Variants in KCNMA1 observed in about 807,000 individuals in gnomAD.
KCNMA1 encodes potassium calcium-activated channel subfamily M alpha 1, also known as Calcium-activated potassium channel subunit alpha-1.
In KCNMA1, 29 loss-of-function variants were observed where a neutral mutation model predicts 140.0. The ratio of observed to expected loss-of-function variants is 0.21; its 90% CI spans 0.15 to 0.28. The LOEUF (loss-of-function observed/expected upper bound fraction) is 0.28, where lower values mean the gene tolerates loss of function less well. Among genes scored for constraint, KCNMA1 ranks in the 10% least tolerant of loss-of-function variants. The probability of loss-of-function intolerance (pLI) is 1.00; values close to 1 mark genes in which losing one functional copy is unlikely to be tolerated. For missense variants in KCNMA1, 880 were observed against 1,602.2 expected (o/e 0.55, Z 7.70); for synonymous variants, 612 against 611.9 (o/e 1.00, Z 0.00).
intron 2 of KCNMA1, among the ~76,000 whole-genome samples, chr10:77,349,722 A>T (rs183044114): frequency 6.6e-6 from 1 of 152,358 alleles, no homozygotes; most frequent in East Asian, 1.9e-4. Context: ...GGTTAGAATA[A>T]GAGCAATGGA....
intron 1 of KCNMA1, among the ~76,000 whole-genome samples, chr10:77,542,448 G>A (rs562976329): frequency 6.6e-6 from 1 of 152,310 alleles, no homozygotes; most frequent in South Asian, 2.1e-4. Flanking sequence ...AGAATCTTAG[G>A]GGAAACTTAA....
chr10:77,174,398 A>G (rs986158617), intron 5 of KCNMA1, among the ~76,000 whole-genome samples: 12 of 152,224 alleles, frequency 7.9e-5, no homozygotes, highest in Admixed American at 7.2e-4. Flanking sequence ...GTAAAAAGCC[A>G]TGGTGTGTGC....
rs2093319801 is a variant in KCNMA1 at position 77,025,254 on chromosome 10, A to AC, written c.1928+2568_1928+2569insG. Among the ~76,000 whole-genome samples the AC allele has an allele frequency of 3.4e-5, 3 of 86,990 alleles. No homozygotes were observed. The South Asian group carries it at 1.3e-3, about 37-fold the overall frequency. The allele number at this position is 86,990 out of a possible 152,430, so 57.1% of individuals were successfully genotyped here. The stretch of plus-strand genomic sequence containing the variant: ...GAGGGGTGTGTGTGTATATATATAT[A>AC]TATATATATATATATATATATATAT... On this transcript the variant is annotated intron_variant, in intron 16 of 27. Transcript: ENST00000286628.
At chr10:76,910,501 A>G (rs1311025510) in intron 24 of KCNMA1, 5 of 297,582 alleles carry the variant, frequency 1.7e-5, no homozygotes, top group South Asian at 3.4e-5. Context: ...TTTAGCCACA[A>G]TGAAAAGAAA....
At chr10:77,483,958 A>G (rs2098433377) in intron 1 of KCNMA1, among the ~76,000 whole-genome samples, 1 of 152,190 alleles carries the variant, frequency 6.6e-6, no homozygotes, top group African/African-American at 2.4e-5. Flanking sequence ...AGGAATCAAC[A>G]TGGAACCACA....
intron 2 of KCNMA1, among the ~76,000 whole-genome samples, chr10:77,357,655 C>T (rs962550751): frequency 2.6e-5 from 4 of 152,152 alleles, no homozygotes; most frequent in African/African-American, 7.2e-5. Context: ...TCCCATGAGA[C>T]GCAATAATTT....
intron 3 of KCNMA1, among the ~76,000 whole-genome samples, chr10:77,239,201 C>T (rs10824501): frequency 0.063 from 9,623 of 152,258 alleles, 750 homozygotes; most frequent in East Asian, 0.21. Flanking sequence ...CTCCTTAATG[C>T]ACTCCTGTGC....
At chr10:77,391,612 T>TTTTGTTTG (rs139101372) in intron 2 of KCNMA1, among the ~76,000 whole-genome samples, 53 of 149,870 alleles carry the variant, frequency 3.5e-4, no homozygotes, top group Admixed American at 8.0e-4. Context: ...GAAGTAGGTT[T>TTTTGTTTG]TTTGTTTGTT....
At chr10:77,101,275 G>A (rs531187479) in intron 9 of KCNMA1, among the ~76,000 whole-genome samples, 196 of 152,202 alleles carry the variant, frequency 1.3e-3, no homozygotes, top group Non-Finnish European at 2.5e-3. Context: ...TCAGCACCAC[G>A]TTTCAGAAGT....
At chr10:76,984,642 G>T (rs1475847576) in intron 19 of KCNMA1, among the ~76,000 whole-genome samples, 1 of 152,196 alleles carries the variant, frequency 6.6e-6, no homozygotes, top group Non-Finnish European at 1.5e-5. Flanking sequence ...TGTGTAAATA[G>T]ATATTAGATT....
chr10:76,883,993 C>G (rs546726099), downstream of KCNMA1: 4 of 983,628 alleles, frequency 4.1e-6, no homozygotes, highest in South Asian at 4.7e-5. Flanking sequence ...TTATCTACCA[C>G]TGGGGCATGA....
chr10:77,419,693 T>C (rs1200814055), intron 1 of KCNMA1, among the ~76,000 whole-genome samples: 1 of 152,220 alleles, frequency 6.6e-6, no homozygotes, highest in Non-Finnish European at 1.5e-5. Context: ...TACTATTTTT[T>C]TAAAGTCTTT....
chr10:77,458,841 G>A (rs2097802185), intron 1 of KCNMA1, among the ~76,000 whole-genome samples: 1 of 152,200 alleles, frequency 6.6e-6, no homozygotes. Flanking sequence ...TACTTGAATT[G>A]AAAAACTTAG....
At chr10:77,329,086 T>C (rs1302283718) in intron 2 of KCNMA1, among the ~76,000 whole-genome samples, 1 of 152,108 alleles carries the variant, frequency 6.6e-6, no homozygotes, top group Non-Finnish European at 1.5e-5. Flanking sequence ...GTGATCCCCC[T>C]GCCTCGGCCT....
chr10:77,047,575 G>T (rs1411280942), intron 14 of KCNMA1, among the ~76,000 whole-genome samples: 2 of 146,284 alleles, frequency 1.4e-5, no homozygotes, highest in Non-Finnish European at 3.0e-5. Flanking sequence ...TACATATGTG[G>T]CAGGAAACTG....
At chr10:77,378,774 T>C (rs1214175698) in intron 2 of KCNMA1, among the ~76,000 whole-genome samples, 1 of 152,230 alleles carries the variant, frequency 6.6e-6, no homozygotes, top group Non-Finnish European at 1.5e-5. Flanking sequence ...ACATAAAGCA[T>C]GGTGCAATCT....
chr10:77,297,409 G>T (rs938426372), intron 2 of KCNMA1, among the ~76,000 whole-genome samples: 6 of 152,136 alleles, frequency 3.9e-5, no homozygotes, highest in Non-Finnish European at 5.9e-5. Context: ...AAATTTTACG[G>T]CTATTTTCTT....
chr10:77,226,299 G>C (rs2051373831), intron 3 of KCNMA1, among the ~76,000 whole-genome samples: 1 of 152,036 alleles, frequency 6.6e-6, no homozygotes, highest in Non-Finnish European at 1.5e-5. Context: ...AGAACTAAGA[G>C]ATGTATACAT....
intron 2 of KCNMA1, among the ~76,000 whole-genome samples, chr10:77,260,344 A>G (rs1460674853): frequency 6.6e-6 from 1 of 152,186 alleles, no homozygotes; most frequent in East Asian, 1.9e-4. Flanking sequence ...GTCGGATGGC[A>G]GGAGCCTGGA....
Sources: gnomAD v4.1 joint callset for allele counts (sites outside exome capture counted in the v4.1 genomes callset) on GRCh38, gnomAD v4.1.1 for gene constraint, MANE v1.5 for transcripts, NCBI Gene and HGNC (gene_info 2026-07-23, HGNC 2026-07-21) for gene names.